CRX: variants seen among roughly 807,000 people sequenced by gnomAD.
CRX encodes the protein cone-rod homeobox, also known as cone-rod homeobox protein.
Under a neutral mutation model 13.1 loss-of-function variants are expected in CRX, and 5 were observed. The ratio of observed to expected loss-of-function variants is 0.38; its 90% CI spans 0.20 to 0.80. The LOEUF (loss-of-function observed/expected upper bound fraction) is 0.80. Ranked by LOEUF, CRX falls within the 30% of genes least tolerant of loss-of-function variation. The pLI, the probability that CRX is intolerant of heterozygous loss-of-function variation, is 0.43. For missense variants in CRX, 351 were observed against 391.8 expected (o/e 0.90, Z 0.88); for synonymous variants, 179 against 171.1 (o/e 1.05, Z -0.36).
At position 47,838,084 on chromosome 19, in the gene CRX, G is replaced by A. The variant is rs573779995; in HGVS notation, c.253-1236G>A. On this transcript the variant is annotated intron_variant, in intron 3 of 3. Transcript: ENST00000221996. ...CACATATGATTAGATAGATTAGTGT[G>A]TAGCTATGTATGCTGTATGTGTGTA... Among the ~76,000 whole-genome samples the A allele has an allele frequency of 1.1e-3, 172 of 152,242 alleles. 1 individual carries two copies. Among genetic ancestry groups the A allele is most frequent in the African/African-American group, 3.6e-3 (149 of 41,532 alleles).
chr19:47,824,185 G>A (rs1481620035), intron 1 of CRX, among the ~76,000 whole-genome samples: 2 of 152,136 alleles, frequency 1.3e-5, no homozygotes, highest in African/African-American at 4.8e-5. Flanking sequence ...CGGGGCTCGG[G>A]GGCCAAAGAG....
intron 1 of CRX, among the ~76,000 whole-genome samples, chr19:47,833,930 C>G (rs1315625134): frequency 1.3e-5 from 2 of 152,228 alleles, no homozygotes; most frequent in East Asian, 3.9e-4. Flanking sequence ...ATCCTCCCAC[C>G]TCAGCCTCCT....
At chr19:47,832,424 T>G (rs571069487) in intron 1 of CRX, among the ~76,000 whole-genome samples, 1 of 151,524 alleles carries the variant, frequency 6.6e-6, no homozygotes, top group African/African-American at 2.4e-5. Flanking sequence ...AAAAAAAAAT[T>G]AATTTTTTGT....
intron 1 of CRX, among the ~76,000 whole-genome samples, chr19:47,831,143 C>T (rs1968039345): frequency 6.6e-6 from 1 of 151,592 alleles, no homozygotes; most frequent in Non-Finnish European, 1.5e-5. Flanking sequence ...CCCGTCTCTA[C>T]TAAAAATACA....
Position 47,834,370 on chromosome 19 carries a change from A to AT in CRX, c.-35-39_-35-38insT. 9.7e-6 allele frequency: 11 copies of AT among 1,133,036 alleles called. No homozygotes were observed. In the South Asian group the frequency reaches 1.3e-4, roughly 14 times the overall value. The allele number at this position is 1,133,036 out of a possible 1,614,324, so 70.2% of individuals were successfully genotyped here. On this transcript the variant is annotated intron_variant, in intron 1 of 3. Transcript: ENST00000221996. ...CCTGCACGTCACCCCATGGTGAGTA[A>AT]CTGGTAAGTGAGTGAGCATCCCTCC... is the stretch of plus-strand genomic sequence containing the variant.
rs576598762 is a variant in CRX at position 47,840,123 on chromosome 19, C to G, written c.*156C>G. The G allele has an allele frequency of 6.3e-6, 5 of 795,072 alleles. No individual in the cohort carries two copies. Among genetic ancestry groups the G allele is most frequent in the South Asian group, 1.6e-5 (1 of 61,420 alleles). The allele number at this position is 795,072 out of a possible 1,614,324, so 49.3% of individuals were successfully genotyped here. On this transcript the variant is annotated 3_prime_UTR_variant, in exon 4 of 4. Transcript: ENST00000221996. ...CGGTGTTCAGCTTACAGAGACCACC[C>G]CTTTCCTCCACAGGGAGAGGCTCCT...
At chr19:47,826,842 G>A (rs1359007649) in intron 1 of CRX, among the ~76,000 whole-genome samples, 1 of 152,200 alleles carries the variant, frequency 6.6e-6, no homozygotes, top group Non-Finnish European at 1.5e-5. Context: ...CCGGCTCAGG[G>A]TGTTCCATGT....
intron 1 of CRX, among the ~76,000 whole-genome samples, chr19:47,830,694 G>A (rs950194316): frequency 8.6e-5 from 13 of 151,892 alleles, no homozygotes; most frequent in Non-Finnish European, 4.4e-5. Context: ...TACTTGGGAA[G>A]CTGAGGCAGG....
At position 47,834,665 on chromosome 19, in the gene CRX, C is replaced by T. The variant is rs1056434571; in HGVS notation, c.100+122C>T. 8 of 725,860 alleles carry T rather than the reference C, an allele frequency of 1.1e-5. No individual in the cohort carries two copies. The Admixed American group carries it at 1.8e-4, about 17-fold the overall frequency. 45.0% of individuals were successfully genotyped at this position (725,860 alleles called of 1,614,324 possible). On this transcript the variant is annotated intron_variant, in intron 2 of 3. Coordinates refer to ENST00000221996, the MANE Select transcript of CRX (RefSeq NM_000554.6). ...GCGACTTCAGGGCCATACACCAGCC[C>T]TCTGGGTTCATCTGAAATGTATGTC...
chr19:47,840,073 C>G lies in CRX; in HGVS notation c.*106C>G. 7 of 1,362,814 alleles carry G rather than the reference C, an allele frequency of 5.1e-6. No homozygotes were observed. The highest frequency in any genetic ancestry group is 2.4e-5 in the East Asian group (1 of 42,008). 84.4% of individuals were successfully genotyped at this position (1,362,814 alleles called of 1,614,324 possible). On this transcript the variant is annotated 3_prime_UTR_variant, in exon 4 of 4. Coordinates refer to ENST00000221996, the MANE Select transcript of CRX (RefSeq NM_000554.6). ...GGATGGCATTCCTGAGAAAGCAACC[C>G]GAACCAGCTGTCCTTCTGACAGCTC...
At chr19:47,823,910 A>AC (rs1324523928) in intron 1 of CRX, among the ~76,000 whole-genome samples, 1 of 152,146 alleles carries the variant, frequency 6.6e-6, no homozygotes, top group African/African-American at 2.4e-5. Context: ...TCGGCCTCCC[A>AC]AAGTGCTGGG....
Position 47,836,235 on chromosome 19 carries a change from C to T in CRX, c.101-8C>T. The T allele has an allele frequency of 1.2e-6, 2 of 1,614,154 alleles. No homozygotes were observed. The highest frequency in any genetic ancestry group is 1.7e-6 in the Non-Finnish European group (2 of 1,180,026). The stretch of plus-strand genomic sequence containing the variant: ...GACCTGAGGGTCCTGTTTCCCATCC[C>T]ACCCCAGGCGCCCCCAGGAAGCAGC... On this transcript the variant is annotated splice_region_variant and splice_polypyrimidine_tract_variant and intron_variant, in intron 2 of 3. Transcript: ENST00000221996.
At chr19:47,824,182 CG>C (rs997539097) in intron 1 of CRX, among the ~76,000 whole-genome samples, 5 of 152,190 alleles carry the variant, frequency 3.3e-5, no homozygotes, top group Non-Finnish European at 7.3e-5. Context: ...GAGCGGGGCT[CG>C]GGGGCCAAAG....
intron 1 of CRX, among the ~76,000 whole-genome samples, chr19:47,830,078 T>C (rs1331419468): frequency 6.7e-6 from 1 of 149,752 alleles, no homozygotes; most frequent in Non-Finnish European, 1.5e-5. Context: ...ATATATATGG[T>C]TTGGTCATAT....
intron 1 of CRX, among the ~76,000 whole-genome samples, chr19:47,827,422 G>C (rs906802839): frequency 4.0e-5 from 6 of 148,174 alleles, no homozygotes; most frequent in Admixed American, 2.7e-4. Flanking sequence ...TTTTTTGCCT[G>C]GAAATCTCTA....
At position 47,839,436 on chromosome 19, in the gene CRX, G is replaced by A. The variant is rs368752695; in HGVS notation, c.369G>A (p.Thr123=). The change falls in exon 4 of 4, where the codon ACG becomes ACA. Residue 123 remains threonine, a synonymous_variant. Coordinates refer to ENST00000221996, the MANE Select transcript of CRX (RefSeq NM_000554.6). The surrounding 1 kb of genome is among the most constrained non-coding windows in gnomAD (Gnocchi z 4.6). ...KARPAKRKAG[T]SPRPSTDVCP... The stretch of plus-strand genomic sequence containing the variant: ...GGCCTGCCAAGAGGAAGGCGGGCAC[G>A]TCCCCAAGACCCTCCACAGATGTGT... 3.3e-5 allele frequency: 53 copies of A among 1,613,738 alleles called. No homozygotes were observed. The highest frequency in any genetic ancestry group is 1.6e-4 in the Middle Eastern group (1 of 6,082).
chr19:47,828,094 C>T lies in CRX; in HGVS notation c.-36+6084C>T, dbSNP rs1451972412. On this transcript the variant is annotated intron_variant, in intron 1 of 3. Coordinates refer to ENST00000221996, the MANE Select transcript of CRX (RefSeq NM_000554.6). Reference sequence around the variant, plus strand: ...ACTTGACCCTGGGAGGCAGAGGCTGCAGTGAGCCGAGATCAAGCCATTGCA... The same window carrying T: ...ACTTGACCCTGGGAGGCAGAGGCTGTAGTGAGCCGAGATCAAGCCATTGCA... 2.6e-5 allele frequency among the ~76,000 whole-genome samples: 4 copies of T among 151,264 alleles called. No homozygotes were observed. The East Asian group carries it at 7.9e-4, about 30-fold the overall frequency.
intron 1 of CRX, among the ~76,000 whole-genome samples, chr19:47,823,578 A>G (rs376366941): frequency 6.6e-6 from 1 of 151,882 alleles, no homozygotes; most frequent in African/African-American, 2.4e-5. Flanking sequence ...AGTGGCTGAC[A>G]AGGGAGGGCC....
chr19:47,830,140 T>TC (rs1968025916), intron 1 of CRX, among the ~76,000 whole-genome samples: 2 of 110,216 alleles, frequency 1.8e-5, no homozygotes, highest in Admixed American at 1.8e-4. Flanking sequence ...TGCAATTAAA[T>TC]GGGAAAAAAA....
Sources: gnomAD v4.1 joint callset for allele counts (sites outside exome capture counted in the v4.1 genomes callset) on GRCh38, gnomAD v4.1.1 for gene constraint, Gnocchi (gnomAD v3.1) non-coding constraint, MANE v1.5 for transcripts, NCBI Gene and HGNC (gene_info 2026-07-23, HGNC 2026-07-21) for gene names.